The following SMTN variants were observed in gnomAD, a reference collection of about 807,000 sequenced individuals.
SMTN encodes smoothelin.
SMTN carries 58 observed loss-of-function variants against 102.0 expected under a neutral mutation model. The observed-to-expected ratio is 0.57, with a 90% CI of 0.46 to 0.71. SMTN has a LOEUF of 0.71. Among genes scored for constraint, SMTN ranks in the 30% least tolerant of loss-of-function variants. The pLI is 0.00. For synonymous variants in SMTN, 478 were observed against 497.9 expected, an observed-to-expected ratio of 0.96 and a Z score of 0.53; for missense variants, 1,185 against 1,241.7, an observed-to-expected ratio of 0.95 and a Z score of 0.69.
rs1239277117 is a variant in SMTN, at chr22:31,090,138, G to T, written c.823G>T (p.Ala275Ser). The change falls in exon 8 of 21, where the codon GCC becomes TCC. Residue 275 changes from alanine to serine, a missense_variant. By Grantham distance (99) the Ala-to-Ser change is moderately conservative. Coordinates refer to ENST00000333137, the MANE Select transcript of SMTN (RefSeq NM_134269.3). ...LLSGPKETPA[A>S]QSPTRGPSDT... ...GTCTGGCCCCAAAGAGACCCCTGCTGCCCAGAGCCCCACCAGAGGCCCCTC... is the reference window on the plus strand; with the variant it reads ...GTCTGGCCCCAAAGAGACCCCTGCTTCCCAGAGCCCCACCAGAGGCCCCTC... 4 of 1,612,838 alleles carry T rather than the reference G, an allele frequency of 2.5e-6. No homozygotes were observed. The Admixed American group carries it at 5.0e-5, about 20-fold the overall frequency.
In SMTN at chr22:31,097,002, T is replaced by C. The variant is rs770588792; in HGVS notation, c.2031T>C (p.Asp677=). ...TCTCATCCCCTGCCCCTGCAGATGA[T>C]GGCACACGGACGGCCCGCACCACCA... The part of the protein sequence containing the change: ...TKTERLVHSN[D]GTRTARTTTV... Residue 677 remains aspartate, a synonymous_variant, in exon 15 of 21, where the codon GAT becomes GAC. Transcript: ENST00000333137. 1.9e-6 allele frequency: 3 copies of C among 1,614,184 alleles called. No individual in the cohort carries two copies. Among genetic ancestry groups the C allele is most frequent in the Middle Eastern group, 1.6e-4 (1 of 6,062 alleles).
chr22:31,088,523 C>G lies in SMTN; in HGVS notation c.211C>G (p.Arg71Gly). The change falls in exon 4 of 21, where the codon CGG (arginine) becomes GGG (glycine). Residue 71 changes from arginine to glycine, a missense_variant. Physicochemically the swap from Arg to Gly is moderately radical, Grantham distance 125. Coordinates refer to ENST00000333137, the MANE Select transcript of SMTN (RefSeq NM_134269.3). ...NKENWLHSQQ[R>G]EAEQRAALAR... ...ATGATGTCTCTGCAGCTCTCAGCAG[C>G]GGGAAGCTGAGCAGCGGGCTGCCCT... 1 of 1,613,510 alleles carries G rather than the reference C, an allele frequency of 6.2e-7. No homozygotes were observed. Among genetic ancestry groups the G allele is most frequent in the Non-Finnish European group, 8.5e-7 (1 of 1,179,748 alleles).
chr22:31,071,641 A>T (rs1027155628), intron 1 of SMTN, among the ~76,000 whole-genome samples: 6 of 151,888 alleles, frequency 4.0e-5, no homozygotes, highest in African/African-American at 9.7e-5. Flanking sequence ...TTAATTAATT[A>T]AAAAAAATTC....
intron 1 of SMTN, among the ~76,000 whole-genome samples, chr22:31,071,433 G>A (rs1161127488): frequency 2.6e-5 from 4 of 151,990 alleles, no homozygotes; most frequent in Non-Finnish European, 5.9e-5. Flanking sequence ...AGGAGTTTGA[G>A]ACCAGCTGGG....
chr22:31,099,171 G>C lies in SMTN; in HGVS notation c.2443G>C (p.Gly815Arg), dbSNP rs375442203. 2.5e-6 allele frequency: 4 copies of C among 1,611,768 alleles called. No individual in the cohort carries two copies. The African/African-American group carries it at 5.3e-5, about 22-fold the overall frequency. ...GGACTGGTGTCGAGCCAAGACTCGC[G>C]GCTACGAGGTGAGCCCCGGGAGGCC... ...LLDWCRAKTR[G>R]YEHVDIQNFS... Residue 815 changes from glycine to arginine, a missense_variant, in exon 18 of 21, where the codon GGC (glycine) becomes CGC (arginine). Gly to Arg is a moderately radical substitution (Grantham distance 125). Transcript: ENST00000333137.
chr22:31,090,602 G>A (rs2043051954), intron 8 of SMTN, among the ~76,000 whole-genome samples: 1 of 152,102 alleles, frequency 6.6e-6, no homozygotes, highest in African/African-American at 2.4e-5. Context: ...AGGAGAAGGA[G>A]GTGCCTGTAG....
At chr22:31,069,515 AAAC>A (rs1295475881) in intron 1 of SMTN, among the ~76,000 whole-genome samples, 4 of 152,252 alleles carry the variant, frequency 2.6e-5, no homozygotes, top group Non-Finnish European at 4.4e-5. Flanking sequence ...TGCACAGGCC[AAAC>A]AACAAGTCTA....
chr22:31,069,159 G>A (rs1416443412), intron 1 of SMTN, among the ~76,000 whole-genome samples: 2 of 152,146 alleles, frequency 1.3e-5, no homozygotes, highest in Non-Finnish European at 2.9e-5. Context: ...ACCTGGCCCC[G>A]CTCCAGAAGG....
chr22:31,104,491 G>C lies in SMTN; in HGVS notation c.*196G>C, dbSNP rs1173950338. ...GCCTGCCCGCCCGCATGGCCAGCCA[G>C]TGGCAAGCTGCCGCCCCCACTCTCC... On this transcript the variant is annotated 3_prime_UTR_variant, in exon 21 of 21. Transcript: ENST00000333137. The C allele has an allele frequency of 1.2e-6, 2 of 1,606,884 alleles. No homozygotes were observed. Among genetic ancestry groups the C allele is most frequent in the Admixed American group, 1.7e-5 (1 of 59,962 alleles).
At chr22:31,104,156 A>C (rs1307834286) in intron 20 of SMTN, 160 bp from the exon 21 acceptor site, 1 of 784,740 alleles carries the variant, frequency 1.3e-6, no homozygotes, top group African/African-American at 1.7e-5. Context: ...GCTTGGGTAG[A>C]TGAAGCCAGG....
intron 17 of SMTN, 98 bp from the exon 18 acceptor site, chr22:31,098,964 C>T: frequency 6.5e-7 from 1 of 1,539,892 alleles, no homozygotes; most frequent in Non-Finnish European, 8.9e-7. Context: ...TGCAAAGGCC[C>T]GAAGGTCATG....
intron 11 of SMTN, among the ~76,000 whole-genome samples, chr22:31,094,585 C>T (rs545574998): frequency 2.4e-4 from 36 of 151,780 alleles, no homozygotes; most frequent in Middle Eastern, 3.5e-3. Flanking sequence ...GCCTTCAGCT[C>T]AGATCCCAGG....
At chr22:31,082,737 C>T in intron 1 of SMTN, 1 of 851,376 alleles carries the variant, frequency 1.2e-6, no homozygotes. Context: ...GGGTTCAGCC[C>T]ACAGCCAGAA....
rs528718941 is a variant in SMTN, at chr22:31,083,597, G to A, written c.51+288G>A. ...GCCCGTATGCAGCCACAGGTGTGGG[G>A]AGGCTGGATATGCCTCTCCAGAGCA... On this transcript the variant is annotated intron_variant, in intron 2 of 20. Transcript: ENST00000333137. The A allele has an allele frequency of 2.5e-4, 79 of 317,666 alleles. No individual in the cohort carries two copies. The Middle Eastern group carries it at 3.8e-3, about 15-fold the overall frequency. 19.7% of individuals were successfully genotyped at this position (317,666 alleles called of 1,614,324 possible). A position where few individuals can be genotyped will look rare whatever the true frequency, so the allele number is the denominator to read the frequency against.
At chr22:31,069,231 C>T (rs2006301) in intron 1 of SMTN, among the ~76,000 whole-genome samples, 35,269 of 151,812 alleles carry the variant, frequency 0.23, 5,335 homozygotes, top group African/African-American at 0.43. Context: ...TTGGTGGTAA[C>T]TAGGGCGCTC....
intron 1 of SMTN, among the ~76,000 whole-genome samples, chr22:31,073,758 A>G (rs2042062974): frequency 6.6e-6 from 1 of 152,230 alleles, no homozygotes; most frequent in Non-Finnish European, 1.5e-5. Context: ...CCACCCCAAA[A>G]CTTAGTGCCT....
intron 20 of SMTN, 153 bp downstream of exon 20, chr22:31,101,202 C>A: frequency 1.4e-6 from 1 of 707,134 alleles, no homozygotes; most frequent in Non-Finnish European, 2.3e-6. Context: ...CAGTTCAGGG[C>A]CCAGCAGGTG....
intron 1 of SMTN, among the ~76,000 whole-genome samples, chr22:31,076,268 C>T (rs2042126735): frequency 6.6e-6 from 1 of 152,202 alleles, no homozygotes; most frequent in African/African-American, 2.4e-5. Flanking sequence ...TCTCCCTGCC[C>T]CAGAGAGGCC....
intron 1 of SMTN, chr22:31,082,571 G>A (rs1416881704): frequency 1.9e-6 from 1 of 523,520 alleles, no homozygotes; most frequent in East Asian, 5.3e-5. Context: ...CTTCCAGGTG[G>A]GGAATTGAAT....
Sources: gnomAD v4.1 joint callset for allele counts (sites outside exome capture counted in the v4.1 genomes callset) on GRCh38, gnomAD v4.1.1 for gene constraint, MANE v1.5 for transcripts, NCBI Gene and HGNC (gene_info 2026-07-23, HGNC 2026-07-21) for gene names.